Variants in SHROOM2 observed in about 807,000 individuals in gnomAD.
SHROOM2 encodes shroom family member 2, also known as protein Shroom2.
In SHROOM2, 33 loss-of-function variants were observed where a neutral mutation model predicts 75.9. The ratio of observed to expected loss-of-function variants is 0.43; its 90% confidence interval spans 0.33 to 0.58. SHROOM2 has a LOEUF of 0.58. Among genes scored for constraint, SHROOM2 ranks in the 20% least tolerant of loss-of-function variants. The pLI is 0.04. For missense variants in SHROOM2, 1,434 were observed against 1,461.2 expected (o/e 0.98, Z 0.30); for synonymous variants, 655 against 663.6 (o/e 0.99, Z 0.20).
At chrX:9,942,641 G>A (rs1425142781) in intron 8 of SHROOM2, among the ~76,000 whole-genome samples, 3 of 106,181 alleles carry the variant, frequency 2.8e-5, no homozygotes, top group Non-Finnish European at 5.9e-5. Flanking sequence ...CATGGGGAAA[G>A]GGGTGCGGAA....
At position 9,947,908 on chromosome X, in the gene SHROOM2, T is replaced by A. The variant is rs1314863339; in HGVS notation, c.*971T>A. The A allele has an allele frequency of 1.8e-5, 2 of 112,012 alleles. No individual in the cohort carries two copies. The highest frequency in any genetic ancestry group is 6.5e-5 in the African/African-American group (2 of 30,797). The allele number at this position is 112,012 out of a possible 1,213,427, so 9.2% of individuals were successfully genotyped here. On this transcript the variant is annotated 3_prime_UTR_variant, in exon 10 of 10. Coordinates refer to ENST00000380913, the MANE Select transcript of SHROOM2 (RefSeq NM_001649.4). ...GGGAAGACCCCTTCCTCTTCAGAGG[T>A]CCCGTGGACTACACAGCTCCTGAGC... is the stretch of plus-strand genomic sequence containing the variant.
Position 9,803,409 on chromosome X carries a change from C to T in SHROOM2, c.165+16699C>T, listed in dbSNP as rs150976082. On this transcript the variant is annotated intron_variant, in intron 1 of 9. Coordinates refer to ENST00000380913, the MANE Select transcript of SHROOM2 (RefSeq NM_001649.4). ...TTTTCTAAAACAGAAATGCACACAG[C>T]AGCCTTGCTTTGCGGTAACCCTTGG... Among the ~76,000 whole-genome samples, 408 of 112,005 alleles carry T rather than the reference C, an allele frequency of 3.6e-3. 1 individual carries two copies. The highest frequency in any genetic ancestry group is 0.013 in the African/African-American group (389 of 30,862).
chrX:9,821,612 C>T (rs758797270), intron 1 of SHROOM2, among the ~76,000 whole-genome samples: 12 of 112,322 alleles, frequency 1.1e-4, no homozygotes, highest in African/African-American at 3.9e-4. Flanking sequence ...ATAAATATTG[C>T]ACCCCACCAC....
At chrX:9,812,936 G>T (rs925232729) in intron 1 of SHROOM2, among the ~76,000 whole-genome samples, 30 of 112,505 alleles carry the variant, frequency 2.7e-4, no homozygotes, top group African/African-American at 9.4e-4. Flanking sequence ...ATCTGGTACA[G>T]CAGCTGCAAC....
intron 1 of SHROOM2, among the ~76,000 whole-genome samples, chrX:9,813,629 C>T (rs2083803416): frequency 8.9e-6 from 1 of 111,850 alleles, no homozygotes; most frequent in African/African-American, 3.3e-5. Context: ...TGTAAACTGG[C>T]TCAAGTCTGG....
intron 1 of SHROOM2, among the ~76,000 whole-genome samples, chrX:9,823,479 G>C (rs1172596578): frequency 9.0e-6 from 1 of 110,969 alleles, no homozygotes; most frequent in East Asian, 2.8e-4. Context: ...CTGGCCTCAA[G>C]TGATCTTGTC....
rs1465840557 is a variant in SHROOM2, at chrX:9,875,257, G to T, written c.317+1454G>T. 2.8e-5 allele frequency among the ~76,000 whole-genome samples: 3 copies of T among 108,366 alleles called. No individual in the cohort carries two copies. In the East Asian group the frequency reaches 8.6e-4, roughly 31 times the overall value. The allele number at this position is 108,366 out of a possible 115,157, so 94.1% of individuals were successfully genotyped here. A position where few individuals can be genotyped will look rare whatever the true frequency, so the allele number is the denominator to read the frequency against. ...TGGTGGTTTCTGAGCCATTGGGGAGGGTGGGGCACAAGAGGCACCATGACA... is the reference window on the plus strand; with the variant it reads ...TGGTGGTTTCTGAGCCATTGGGGAGTGTGGGGCACAAGAGGCACCATGACA... On this transcript the variant is annotated intron_variant, in intron 2 of 9. Transcript: ENST00000380913.
At chrX:9,849,854 A>G (rs1328347179) in intron 1 of SHROOM2, among the ~76,000 whole-genome samples, 1 of 112,410 alleles carries the variant, frequency 8.9e-6, no homozygotes, top group Non-Finnish European at 1.9e-5. Context: ...AAAGGCATCA[A>G]AATAGTTGCA....
chrX:9,914,968 C>G (rs1232893168), intron 5 of SHROOM2, among the ~76,000 whole-genome samples: 1 of 111,653 alleles, frequency 9.0e-6, no homozygotes, highest in Non-Finnish European at 1.9e-5. Flanking sequence ...GAAGGAATTT[C>G]AGTTTGGACT....
chrX:9,923,946 A>G (rs2084570793), intron 5 of SHROOM2, among the ~76,000 whole-genome samples: 1 of 112,428 alleles, frequency 8.9e-6, no homozygotes, highest in Admixed American at 9.4e-5. Flanking sequence ...TTGCCATCCA[A>G]GTCCCTGCAA....
chrX:9,943,446 C>A (rs1436714601), intron 8 of SHROOM2, among the ~76,000 whole-genome samples: 6 of 110,958 alleles, frequency 5.4e-5, no homozygotes, highest in Non-Finnish European at 1.1e-4. Flanking sequence ...GCACTATGAT[C>A]ATGTCTGTGA....
chrX:9,789,705 C>CA (rs1404828059), intron 1 of SHROOM2, among the ~76,000 whole-genome samples: 1 of 111,215 alleles, frequency 9.0e-6, no homozygotes, highest in African/African-American at 3.3e-5. Flanking sequence ...AGCTGGGTGT[C>CA]AGCAGCCCCC....
At chrX:9,791,706 A>G (rs2083648554) in intron 1 of SHROOM2, among the ~76,000 whole-genome samples, 1 of 110,771 alleles carries the variant, frequency 9.0e-6, no homozygotes, top group Non-Finnish European at 1.9e-5. Flanking sequence ...AAAAAATATC[A>G]CCAGTGCCAG....
chrX:9,833,645 T>TGTGTGTGC (rs989151309), intron 1 of SHROOM2, among the ~76,000 whole-genome samples: 3 of 100,085 alleles, frequency 3.0e-5, no homozygotes, highest in East Asian at 3.1e-4. Flanking sequence ...TGTGTGTGTG[T>TGTGTGTGC]GCATGCACGT....
rs151298781 is a variant in SHROOM2 at position 9,932,854 on chromosome X, G to A, written c.3571G>A (p.Asp1191Asn). 3.1e-5 allele frequency: 37 copies of A among 1,192,421 alleles called. No homozygotes were observed. The highest frequency in any genetic ancestry group is 4.0e-5 in the Non-Finnish European group (36 of 889,214). The change falls in exon 6 of 10, where the codon GAT becomes AAT. Residue 1191 changes from aspartate to asparagine, a missense_variant. Physicochemically the swap from Asp to Asn is conservative, Grantham distance 23. Around this residue, in one of 3 missense-constraint regions of SHROOM2, gnomAD observed 1,340 missense variants for 1,338.3 expected, o/e 1.00. Transcript: ENST00000380913. ...GGACAAACCTCCCCTGCTCATCCAGGATGAGGATTCAACCAGGTACTGTCC... is the reference window on the plus strand; with the variant it reads ...GGACAAACCTCCCCTGCTCATCCAGAATGAGGATTCAACCAGGTACTGTCC... ...LTDKPPLLIQ[D>N]EDSTRIERVM...
intron 5 of SHROOM2, among the ~76,000 whole-genome samples, chrX:9,926,390 A>G (rs2147048080): frequency 9.0e-6 from 1 of 111,646 alleles, no homozygotes; most frequent in African/African-American, 3.3e-5. Context: ...AAAATTCCAC[A>G]GCTGATCTCG....
At chrX:9,923,385 T>C (rs1365594264) in intron 5 of SHROOM2, among the ~76,000 whole-genome samples, 1 of 111,643 alleles carries the variant, frequency 9.0e-6, no homozygotes, top group African/African-American at 3.3e-5. Flanking sequence ...TTCAGAGGGG[T>C]ATGCCAAGGC....
intron 2 of SHROOM2, among the ~76,000 whole-genome samples, chrX:9,879,344 T>C (rs1406588117): frequency 1.8e-5 from 2 of 112,385 alleles, no homozygotes; most frequent in Non-Finnish European, 3.8e-5. Context: ...CACTGCAACC[T>C]TCGCCACCCG....
intron 1 of SHROOM2, among the ~76,000 whole-genome samples, chrX:9,804,985 A>T (rs1476247330): frequency 9.1e-6 from 1 of 110,367 alleles, no homozygotes; most frequent in Non-Finnish European, 1.9e-5. Flanking sequence ...CTGTAATCCC[A>T]GCACTTTGGG....
Sources: gnomAD v4.1 joint callset for allele counts (sites outside exome capture counted in the v4.1 genomes callset) on GRCh38, gnomAD v4.1.1 for gene constraint, gnomAD v4.1.1 regional missense constraint, MANE v1.5 for transcripts, NCBI Gene and HGNC (gene_info 2026-07-23, HGNC 2026-07-21) for gene names.